Variants in SLC10A3 observed in about 807,000 individuals in gnomAD.
SLC10A3 encodes the protein solute carrier family 10 member 3, also known as P3 protein.
Under a neutral mutation model 1.9 loss-of-function variants are expected in SLC10A3, and 1 was observed. The observed-to-expected ratio is 0.52, with a 90% CI of 0.19 to 2.48. The LOEUF is 2.48. Ranked by LOEUF, SLC10A3 falls within the 30% of genes most tolerant of loss-of-function variation. SLC10A3 has a pLI of 0.25. For synonymous variants in SLC10A3, 202 were observed against 189.3 expected (o/e 1.07, Z -0.55); for missense variants, 317 against 398.5 (o/e 0.80, Z 1.74).
rs781997537 is a variant in SLC10A3 at position 154,487,987 on chromosome X, C to T, written c.954G>A (p.Val318=). The part of the protein sequence containing the change: ...RLLSIHETLH[V]PISKILGTLL... The stretch of plus-strand genomic sequence containing the variant: ...GGGTCCCCAGGATCTTGGAGATGGG[C>T]ACGTGGAGCGTCTCATGGATGCTGA... Residue 318 remains valine (V), a synonymous_variant, in exon 2 of 2, where the codon GTG becomes GTA. Coordinates refer to ENST00000651600, the MANE Select transcript of SLC10A3 (RefSeq NM_019848.5). 9.1e-6 allele frequency: 11 copies of T among 1,211,409 alleles called. No individual in the cohort carries two copies. The highest frequency in any genetic ancestry group is 3.0e-5 in the East Asian group (1 of 33,845).
intron 1 of SLC10A3, chrX:154,489,556 A>T (rs2069357593): frequency 1.3e-6 from 1 of 752,793 alleles, no homozygotes; most frequent in Non-Finnish European, 1.6e-6. Context: ...TCCCATGCCC[A>T]CATGCGCCCC....
At chrX:154,489,504 T>C (rs1557214185) in intron 1 of SLC10A3, 12 of 752,823 alleles carry the variant, frequency 1.6e-5, no homozygotes, top group South Asian at 6.8e-5. Flanking sequence ...CCAGAGCCAC[T>C]GCGTTACATC....
rs1557213705 is a variant in SLC10A3 at position 154,488,341 on chromosome X, G to C, written c.600C>G (p.Ile200Met). Residue 200 changes from isoleucine (I) to methionine (M), a missense_variant, in exon 2 of 2, where the codon ATC becomes ATG. By Grantham distance (10) the Ile-to-Met change is conservative. Transcript: ENST00000651600. ...NPILYLLLPL[I>M]FVNKCSFGCK... ...ACCCAAACGAACACTTGTTGACAAA[G>C]ATAAGAGGCAGGAGCAGGTAGAGGA... is the stretch of plus-strand genomic sequence containing the variant. 2.5e-6 allele frequency: 3 copies of C among 1,210,449 alleles called. No homozygotes were observed. Among genetic ancestry groups the C allele is most frequent in the Non-Finnish European group, 2.2e-6 (2 of 895,401 alleles).
rs2069371975 is a variant in SLC10A3 at position 154,490,626 on chromosome X, G to GAACC, written c.-463_-462insGGTT. ...AGCCACCGCGCAGCTTAGCTGCAGCGTCTGCCTGGCCGGCAGTCGCCCGCG... is the reference window on the plus strand; with the variant it reads ...AGCCACCGCGCAGCTTAGCTGCAGCGAACCTCTGCCTGGCCGGCAGTCGCCCGCG... On this transcript the variant is annotated 5_prime_UTR_variant, in exon 1 of 2. Coordinates refer to ENST00000651600, the MANE Select transcript of SLC10A3 (RefSeq NM_019848.5). The GAACC allele has an allele frequency of 8.9e-6, 1 of 112,703 alleles. No homozygotes were observed. Among genetic ancestry groups the GAACC allele is most frequent in the Non-Finnish European group, 1.9e-5 (1 of 53,270 alleles). 9.3% of individuals were successfully genotyped at this position (112,703 alleles called of 1,213,427 possible). A position where few individuals can be genotyped will look rare whatever the true frequency, so the allele number is the denominator to read the frequency against.
Position 154,487,516 on chromosome X carries a change from TG to T in SLC10A3, c.1424del (p.Pro475GlnfsTer37). 8.3e-7 allele frequency: 1 copy of T among 1,210,261 alleles called. No individual in the cohort carries two copies. The highest frequency in any genetic ancestry group is 1.8e-5 in the South Asian group (1 of 56,926). On this transcript the variant is annotated frameshift_variant, in exon 2 of 2. Transcript: ENST00000651600. LOFTEE classifies it high-confidence loss of function. ...IGHFIYSSLF[P>X]VP ...GCTTGACCCAGAGGCCTCAGGGAACTGGGAACAGGCTGCTGTAGATGAAGTG... is the reference window on the plus strand; with the variant it reads ...GCTTGACCCAGAGGCCTCAGGGAACTGGAACAGGCTGCTGTAGATGAAGTG...
chrX:154,489,516 G>A (rs2069357015), intron 1 of SLC10A3: 3 of 754,474 alleles, frequency 4.0e-6, no homozygotes, highest in Non-Finnish European at 3.1e-6. Context: ...CGTTACATCT[G>A]AGAGGCTGTG....
chrX:154,489,870 T>C (rs1386608830), intron 1 of SLC10A3: 7 of 986,563 alleles, frequency 7.1e-6, no homozygotes, highest in Non-Finnish European at 9.1e-6. Context: ...CAAAGGCTCA[T>C]CCCGGCGAGC....
In SLC10A3 at chrX:154,488,869, A is replaced by G; in HGVS notation, c.72T>C (p.Gly24=). ...GGGCAGCTCTGAGCATGCTTAAGGG[A>G]CCTGTGCCACCACCCTCGCCCCCCA... ...PGLGGEGGGT[G]PLSMLRAALL... The change falls in exon 2 of 2, where the codon GGT becomes GGC. Residue 24 remains glycine, a synonymous_variant. Coordinates refer to ENST00000651600, the MANE Select transcript of SLC10A3 (RefSeq NM_019848.5). 2 of 1,210,077 alleles carry G rather than the reference A, an allele frequency of 1.7e-6. No homozygotes were observed. Among genetic ancestry groups the G allele is most frequent in the Non-Finnish European group, 2.2e-6 (2 of 895,191 alleles).
Position 154,488,152 on chromosome X carries a change from C to T in SLC10A3, c.789G>A (p.Ser263=), listed in dbSNP as rs7877194. The T allele has an allele frequency of 5.3e-4, 640 of 1,209,542 alleles. 2 individuals are homozygous for T. In the African/African-American group the frequency reaches 9.6e-3, roughly 18 times the overall value. Residue 263 remains serine, a synonymous_variant, in exon 2 of 2, where the codon TCG becomes TCA. Coordinates refer to ENST00000651600, the MANE Select transcript of SLC10A3 (RefSeq NM_019848.5). Reference sequence around the variant, plus strand: ...GGTAGCTCCCCCCGCCGCCAGGCGACGAGCAGGTGATGATGAGGCCCAGAG... The same window carrying T: ...GGTAGCTCCCCCCGCCGCCAGGCGATGAGCAGGTGATGATGAGGCCCAGAG... ...ALALGLIITC[S]SPGGGGSYLF...
In SLC10A3 at chrX:154,487,575, C is replaced by T. The variant is rs1451122879; in HGVS notation, c.1366G>A (p.Gly456Ser). The change falls in exon 2 of 2, where the codon GGC (glycine) becomes AGC (serine). Residue 456 changes from glycine to serine, a missense_variant. By Grantham distance (56) the Gly-to-Ser change is moderately conservative. Coordinates refer to ENST00000651600, the MANE Select transcript of SLC10A3 (RefSeq NM_019848.5). ...ACCAAGGCCAGCATCTCGGAGGTGC[C>T]GCTCAGCGCCACAATGAAGGGGGCC... is the stretch of plus-strand genomic sequence containing the variant. ...SQAPFIVALS[G>S]TSEMLALVIG... The T allele has an allele frequency of 2.5e-6, 3 of 1,210,618 alleles. No individual in the cohort carries two copies. Among genetic ancestry groups the T allele is most frequent in the Admixed American group, 2.2e-5 (1 of 46,013 alleles).
chrX:154,490,297 T>A lies in SLC10A3; in HGVS notation c.-143+10A>T. On this transcript the variant is annotated intron_variant, in intron 1 of 1. Coordinates refer to ENST00000651600, the MANE Select transcript of SLC10A3 (RefSeq NM_019848.5). ...GGTAACTGGCAGTGCTAACAGGGGC[T>A]CCTCCCTACCTGGGAGTCCGGAAGT... 1.2e-6 allele frequency: 1 copy of A among 802,136 alleles called. No homozygotes were observed. The highest frequency in any genetic ancestry group is 1.5e-6 in the Non-Finnish European group (1 of 670,518). 66.1% of individuals were successfully genotyped at this position (802,136 alleles called of 1,213,427 possible).
Position 154,490,401 on chromosome X carries a change from G to C in SLC10A3, c.-237C>G, listed in dbSNP as rs1484370186. 1 of 744,631 alleles carries C rather than the reference G, an allele frequency of 1.3e-6. No homozygotes were observed. Among genetic ancestry groups the C allele is most frequent in the South Asian group, 6.9e-5 (1 of 14,586 alleles). 61.4% of individuals were successfully genotyped at this position (744,631 alleles called of 1,213,427 possible). On this transcript the variant is annotated 5_prime_UTR_variant, in exon 1 of 2. Transcript: ENST00000651600. Reference sequence around the variant, plus strand: ...AAGGGCACGCCGCCGTCCCACAGCCGGCGACCCGCTCGGGCCGTCTCGGAG... The same window carrying C: ...AAGGGCACGCCGCCGTCCCACAGCCCGCGACCCGCTCGGGCCGTCTCGGAG...
chrX:154,488,362 G>A lies in SLC10A3; in HGVS notation c.579C>T (p.Leu193=). The A allele has an allele frequency of 8.3e-7, 1 of 1,211,966 alleles. No homozygotes were observed. Among genetic ancestry groups the A allele is most frequent in the South Asian group, 1.8e-5 (1 of 57,049 alleles). The change falls in exon 2 of 2, where the codon CTC becomes CTT. Residue 193 remains leucine, a synonymous_variant. Transcript: ENST00000651600. ...CAAAGATAAGAGGCAGGAGCAGGTA[G>A]AGGATTGGGTTTTCCGAGAAGTGGG... The part of the protein sequence containing the change: ...DLAHFSENPI[L]YLLLPLIFVN...
chrX:154,488,024 T>C lies in SLC10A3; in HGVS notation c.917A>G (p.Tyr306Cys). Reference protein sequence around the residue: ...TGFLPLSSAIYSRLLSIHETL... With the variant: ...TGFLPLSSAICSRLLSIHETL... Reference sequence around the variant, plus strand: ...CTCATGGATGCTGAGCAGGCGGCTGTAGATGGCCGAAGACAGAGGCAAGAA... The same window carrying C: ...CTCATGGATGCTGAGCAGGCGGCTGCAGATGGCCGAAGACAGAGGCAAGAA... The change falls in exon 2 of 2, where the codon TAC (tyrosine) becomes TGC (cysteine). Residue 306 changes from tyrosine (Y) to cysteine (C), a missense_variant. Transcript: ENST00000651600. The C allele has an allele frequency of 1.7e-6, 2 of 1,210,547 alleles. No homozygotes were observed. Among genetic ancestry groups the C allele is most frequent in the Non-Finnish European group, 2.2e-6 (2 of 895,255 alleles).
rs782103339 is a variant in SLC10A3 at position 154,488,654 on chromosome X, G to C, written c.287C>G (p.Ala96Gly). 1.7e-5 allele frequency: 20 copies of C among 1,211,475 alleles called. No homozygotes were observed. Among genetic ancestry groups the C allele is most frequent in the Non-Finnish European group, 2.2e-5 (20 of 895,139 alleles). The change falls in exon 2 of 2, where the codon GCC (alanine) becomes GGC (glycine). Residue 96 changes from alanine (A) to glycine (G), a missense_variant. By Grantham distance (60) the Ala-to-Gly change is moderately conservative. Transcript: ENST00000651600. Reference sequence around the variant, plus strand: ...CATGGGGCCAGGCGCCGTCCTGTTGGCCTGGCCTGGGTACTGGCTGGAGAT... The same window carrying C: ...CATGGGGCCAGGCGCCGTCCTGTTGCCCTGGCCTGGGTACTGGCTGGAGAT... The part of the protein sequence containing the change: ...IVISSQYPGQ[A>G]NRTAPGPMLR...
rs1557213685 is a variant in SLC10A3 at position 154,488,282 on chromosome X, A to C, written c.659T>G (p.Met220Arg). 10 of 1,210,098 alleles carry C rather than the reference A, an allele frequency of 8.3e-6. No individual in the cohort carries two copies. Among genetic ancestry groups the C allele is most frequent in the East Asian group, 3.0e-5 (1 of 33,844 alleles). The change falls in exon 2 of 2, where the codon ATG (methionine) becomes AGG (arginine). Residue 220 changes from methionine to arginine, a missense_variant. By Grantham distance (91) the Met-to-Arg change is moderately conservative. Transcript: ENST00000651600. ...KVELEVLKGL[M>R]QSPQPMLLGL... ...CAGCAGCATGGGCTGGGGGCTCTGC[A>C]TGAGCCCCTTCAGAACCTCGAGTTC... is the stretch of plus-strand genomic sequence containing the variant.
chrX:154,489,130 C>A, intron 1 of SLC10A3, 48 bp from the exon 2 acceptor site: 3 of 1,161,117 alleles, frequency 2.6e-6, no homozygotes, highest in Non-Finnish European at 3.4e-6. Context: ...GGTCACTTAC[C>A]CTGGAGGCCT....
In SLC10A3 at chrX:154,488,446, G is replaced by A; in HGVS notation, c.495C>T (p.Asp165=). The part of the protein sequence containing the change: ...APPTLIEERR[D]FCIKVSPAED... The stretch of plus-strand genomic sequence containing the variant: ...CAGCAGGTGAGACCTTGATGCAGAA[G>A]TCTCTCCGCTCCTCAATCAGTGTGG... The change falls in exon 2 of 2, where the codon GAC becomes GAT. Residue 165 remains aspartate, a synonymous_variant. Coordinates refer to ENST00000651600, the MANE Select transcript of SLC10A3 (RefSeq NM_019848.5). The A allele has an allele frequency of 8.3e-7, 1 of 1,210,699 alleles. No individual in the cohort carries two copies. The highest frequency in any genetic ancestry group is 1.1e-6 in the Non-Finnish European group (1 of 894,789).
At position 154,488,289 on chromosome X, in the gene SLC10A3, C is replaced by T; in HGVS notation, c.652G>A (p.Gly218Arg). Reference protein sequence around the residue: ...GCKVELEVLKGLMQSPQPMLL... With the variant: ...GCKVELEVLKRLMQSPQPMLL... ...ATGGGCTGGGGGCTCTGCATGAGCC[C>T]CTTCAGAACCTCGAGTTCCACTTTG... is the stretch of plus-strand genomic sequence containing the variant. The change falls in exon 2 of 2, where the codon GGG (glycine) becomes AGG (arginine). Residue 218 changes from glycine to arginine, a missense_variant. By Grantham distance (125) the Gly-to-Arg change is moderately radical (BLOSUM62 -2). Coordinates refer to ENST00000651600, the MANE Select transcript of SLC10A3 (RefSeq NM_019848.5). The T allele has an allele frequency of 8.3e-7, 1 of 1,211,052 alleles. No individual in the cohort carries two copies. The highest frequency in any genetic ancestry group is 1.1e-6 in the Non-Finnish European group (1 of 895,201).
Sources: allele counts gnomAD v4.1 joint callset, GRCh38; gene constraint gnomAD v4.1.1; transcripts MANE v1.5; gene names NCBI Gene and HGNC (gene_info 2026-07-23, HGNC 2026-07-21).